MTHFD2L: variants seen among roughly 807,000 people sequenced by gnomAD.
MTHFD2L encodes the protein methylenetetrahydrofolate dehydrogenase (NADP+ dependent) 2 like.
A neutral mutation model predicts 34.9 loss-of-function variants in MTHFD2L; 29 were observed. The ratio of observed to expected loss-of-function variants is 0.83; its 90% CI spans 0.62 to 1.13. The LOEUF is 1.13. Ranked by LOEUF, MTHFD2L falls within the 50% of genes most tolerant of loss-of-function variation. The pLI, the probability that MTHFD2L is intolerant of heterozygous loss-of-function variation, is 0.00. For missense variants in MTHFD2L, 481 were observed against 446.5 expected, an observed-to-expected ratio of 1.08 and a Z score of -0.70; for synonymous variants, 167 against 155.7, an observed-to-expected ratio of 1.07 and a Z score of -0.54.
chr4:74,259,066 A>G (rs1744373099), intron 6 of MTHFD2L, among the ~76,000 whole-genome samples: 1 of 152,192 alleles, frequency 6.6e-6, no homozygotes, highest in African/African-American at 2.4e-5. Context: ...GCCATGACCC[A>G]CTACTTTTTT....
At chr4:74,196,036 A>G (rs1349260609) in intron 3 of MTHFD2L, among the ~76,000 whole-genome samples, 1 of 151,776 alleles carries the variant, frequency 6.6e-6, no homozygotes, top group African/African-American at 2.4e-5. Flanking sequence ...TTTTTTTTTC[A>G]CACCATCAAC....
chr4:74,265,129 A>C (rs1166596311), intron 6 of MTHFD2L, among the ~76,000 whole-genome samples: 1 of 152,204 alleles, frequency 6.6e-6, no homozygotes, highest in African/African-American at 2.4e-5. Context: ...GGCTTAAAAC[A>C]ATAGTCATCA....
chr4:74,173,027 TTCC>T (rs1275559649), intron 1 of MTHFD2L, among the ~76,000 whole-genome samples: 1 of 152,158 alleles, frequency 6.6e-6, no homozygotes, highest in Admixed American at 6.5e-5. Context: ...AGGGCTTCCT[TTCC>T]TCCTCCTCTT....
intron 1 of MTHFD2L, among the ~76,000 whole-genome samples, chr4:74,147,480 G>A (rs1307854801): frequency 1.3e-5 from 2 of 152,158 alleles, no homozygotes; most frequent in Non-Finnish European, 2.9e-5. Flanking sequence ...TCCTTTGGGC[G>A]AGTTACAGAG....
At chr4:74,169,433 T>C (rs1425134869) in intron 1 of MTHFD2L, among the ~76,000 whole-genome samples, 1 of 152,238 alleles carries the variant, frequency 6.6e-6, no homozygotes, top group Non-Finnish European at 1.5e-5. Context: ...TTTTGTTTAA[T>C]GTGAGTGAAT....
intron 5 of MTHFD2L, among the ~76,000 whole-genome samples, chr4:74,209,389 C>G (rs1735913653): frequency 6.6e-6 from 1 of 152,084 alleles, no homozygotes; most frequent in South Asian, 2.1e-4. Flanking sequence ...GTTCCCCTCC[C>G]TGTGTCCATG....
At chr4:74,159,381 A>C (rs1358967047) in intron 1 of MTHFD2L, among the ~76,000 whole-genome samples, 2 of 152,254 alleles carry the variant, frequency 1.3e-5, no homozygotes, top group African/African-American at 2.4e-5. Context: ...TAGGAAAAGC[A>C]GATTCTGTAG....
intron 6 of MTHFD2L, among the ~76,000 whole-genome samples, chr4:74,279,912 G>C (rs1747211333): frequency 6.6e-6 from 1 of 152,184 alleles, no homozygotes; most frequent in Non-Finnish European, 1.5e-5. Flanking sequence ...CTATATCTAT[G>C]TTGACACTGA....
intron 6 of MTHFD2L, among the ~76,000 whole-genome samples, chr4:74,266,110 C>A (rs542152900): frequency 6.6e-5 from 10 of 152,198 alleles, no homozygotes; most frequent in Non-Finnish European, 1.3e-4. Flanking sequence ...CTTTCTCAAA[C>A]TTTATTGACT....
At chr4:74,252,823 A>G (rs1411321316) in intron 6 of MTHFD2L, among the ~76,000 whole-genome samples, 4 of 152,122 alleles carry the variant, frequency 2.6e-5, no homozygotes, top group Non-Finnish European at 5.9e-5. Context: ...TAGACATAAC[A>G]TTTTAAGGGA....
At chr4:74,220,234 T>C (rs1485787460) in intron 5 of MTHFD2L, among the ~76,000 whole-genome samples, 1 of 151,966 alleles carries the variant, frequency 6.6e-6, no homozygotes, top group African/African-American at 2.4e-5. Context: ...ATAATTTTGA[T>C]AACCTTGGGA....
intron 7 of MTHFD2L, among the ~76,000 whole-genome samples, chr4:74,282,160 G>A (rs1423195386): frequency 6.6e-6 from 1 of 151,974 alleles, no homozygotes; most frequent in African/African-American, 2.4e-5. Flanking sequence ...TTACAATAGG[G>A]GAAACTGGGC....
intron 5 of MTHFD2L, among the ~76,000 whole-genome samples, chr4:74,217,256 G>A (rs1440098670): frequency 7.3e-5 from 11 of 151,596 alleles, no homozygotes; most frequent in Admixed American, 5.9e-4. Flanking sequence ...GTTACCTAGG[G>A]TTGCCCCTGA....
chr4:74,148,709 C>A (rs899910216), intron 1 of MTHFD2L, among the ~76,000 whole-genome samples: 1 of 147,242 alleles, frequency 6.8e-6, no homozygotes, highest in South Asian at 2.2e-4. Context: ...ATGCACGTAT[C>A]TTATGACCCT....
chr4:74,269,123 A>T (rs1002857752), intron 6 of MTHFD2L, among the ~76,000 whole-genome samples: 1 of 152,206 alleles, frequency 6.6e-6, no homozygotes, highest in African/African-American at 2.4e-5. Context: ...TCTTAGATAA[A>T]TCAGAAATCT....
In MTHFD2L at chr4:74,267,325, CTCTT is replaced by C. The variant is rs1031985493; in HGVS notation, c.806-14091_806-14088del. ...TTTTCTTTTCTTTCTTTCTCTTTCT[CTCTT>C]TCTTTCTTCCTTTCTTTCTCCTTTC... is the stretch of plus-strand genomic sequence containing the variant. On this transcript the variant is annotated intron_variant, in intron 6 of 7. Transcript: ENST00000325278. 69 of 718,996 alleles carry C rather than the reference CTCTT, an allele frequency of 9.6e-5. No homozygotes were observed. In the South Asian group the frequency reaches 3.0e-3, roughly 31 times the overall value. The allele number at this position is 718,996 out of a possible 1,614,324, so 44.5% of individuals were successfully genotyped here.
chr4:74,208,165 T>G (rs1735674832), intron 5 of MTHFD2L, among the ~76,000 whole-genome samples: 1 of 152,216 alleles, frequency 6.6e-6, no homozygotes, highest in Non-Finnish European at 1.5e-5. Flanking sequence ...TTGTGATGTC[T>G]CTACATTGAT....
intron 6 of MTHFD2L, among the ~76,000 whole-genome samples, chr4:74,245,879 G>T (rs1444238564): frequency 6.6e-6 from 1 of 150,816 alleles, no homozygotes; most frequent in African/African-American, 2.4e-5. Context: ...GTCTATCATT[G>T]TTGGACATTT....
chr4:74,263,081 G>A (rs989793623), intron 6 of MTHFD2L, among the ~76,000 whole-genome samples: 1 of 151,682 alleles, frequency 6.6e-6, no homozygotes, highest in Non-Finnish European at 1.5e-5. Flanking sequence ...TAATCCAAAT[G>A]TAATCCTATA....
Sources: gnomAD v4.1 joint callset for allele counts (sites outside exome capture counted in the v4.1 genomes callset) on GRCh38, gnomAD v4.1.1 for gene constraint, MANE v1.5 for transcripts, NCBI Gene and HGNC (gene_info 2026-07-23, HGNC 2026-07-21) for gene names.